BABAM1: variants seen among roughly 807,000 people sequenced by gnomAD.
BABAM1 encodes the protein BRISC and BRCA1 A complex member 1.
In BABAM1, 14 loss-of-function variants were observed where a neutral mutation model predicts 34.4. The observed-to-expected ratio is 0.41, with a 90% CI of 0.27 to 0.64. The LOEUF is 0.64. Among genes scored for constraint, BABAM1 ranks in the 30% least tolerant of loss-of-function variants. The pLI is 0.34. For missense variants in BABAM1, 393 were observed against 434.0 expected, an observed-to-expected ratio of 0.91 and a Z score of 0.84; for synonymous variants, 169 against 165.8, an observed-to-expected ratio of 1.02 and a Z score of -0.15.
At chr19:17,272,466 T>C (rs540001384) in intron 3 of BABAM1, among the ~76,000 whole-genome samples, 1 of 150,674 alleles carries the variant, frequency 6.6e-6, no homozygotes, top group South Asian at 2.2e-4. Flanking sequence ...AGTGCAGTGG[T>C]GCGATCTCCG....
At chr19:17,270,848 TG>T (rs766859775) in intron 2 of BABAM1, among the ~76,000 whole-genome samples, 31 of 151,990 alleles carry the variant, frequency 2.0e-4, no homozygotes, top group Non-Finnish European at 3.5e-4. Context: ...CCACCACGCC[TG>T]GCTAATTTTT....
rs777700531 is a variant in BABAM1, at chr19:17,278,314, C to CTT, written c.787-520_787-519dup. Among the ~76,000 whole-genome samples the CTT allele has an allele frequency of 3.1e-3, 387 of 126,668 alleles. 4 individuals carry two copies. The highest frequency in any genetic ancestry group is 9.7e-3 in the African/African-American group (366 of 37,774). 83.1% of individuals were successfully genotyped at this position (126,668 alleles called of 152,430 possible). A position where few individuals can be genotyped will look rare whatever the true frequency, so the allele number is the denominator to read the frequency against. ...ACTGTGTGCCTCCACACTGGGGACT[C>CTT]TTTTTTTTTTTTGAGGCGGAGTCTC... On this transcript the variant is annotated intron_variant, in intron 8 of 8. Transcript: ENST00000598188.
In BABAM1 at chr19:17,271,653, C is replaced by G. The variant is rs189650562; in HGVS notation, c.342C>G (p.Asn114Lys). ...CACTGCCAAAGCTGGAGTCGTTCAA[C>G]GGGTAAGAGGGACATTTTAGGGCTT... is the stretch of plus-strand genomic sequence containing the variant. ...EMSLPKLESF[N>K]GSKTNALNVS... The change falls in exon 3 of 9, where the codon AAC becomes AAG. Residue 114 changes from asparagine (N) to lysine (K), a missense_variant and splice_region_variant. Physicochemically the swap from Asn to Lys is moderately conservative, Grantham distance 94 (BLOSUM62 0). Transcript: ENST00000598188. 6.2e-7 allele frequency: 1 copy of G among 1,613,534 alleles called. No individual in the cohort carries two copies. Among genetic ancestry groups the G allele is most frequent in the Non-Finnish European group, 8.5e-7 (1 of 1,179,734 alleles).
intron 2 of BABAM1, among the ~76,000 whole-genome samples, chr19:17,270,557 C>T (rs558500748): frequency 4.7e-5 from 7 of 149,318 alleles, no homozygotes; most frequent in Admixed American, 2.0e-4. Flanking sequence ...GACGGAGTCC[C>T]GCTCTGTCAC....
chr19:17,269,604 G>A (rs1313594504), intron 2 of BABAM1, among the ~76,000 whole-genome samples: 2 of 152,086 alleles, frequency 1.3e-5, no homozygotes, highest in Admixed American at 6.6e-5. Context: ...GCCTGCCTTG[G>A]CCTCCCAAAG....
intron 5 of BABAM1, among the ~76,000 whole-genome samples, chr19:17,274,728 C>G (rs2073888529): frequency 6.6e-6 from 1 of 152,144 alleles, no homozygotes; most frequent in African/African-American, 2.4e-5. Context: ...CCACTTGAAC[C>G]TGGGCGCAGG....
At chr19:17,275,918 G>T in intron 6 of BABAM1, 93 bp downstream of exon 6, 8 of 1,403,274 alleles carry the variant, frequency 5.7e-6, no homozygotes, top group Non-Finnish European at 8.1e-6. Context: ...AATCTAGGGA[G>T]CCTTAAAGCC....
rs1195749640 is a variant in BABAM1, at chr19:17,273,919, C to A, written c.360C>A (p.Ala120=). The change falls in exon 4 of 9, where the codon GCC becomes GCA. Residue 120 remains alanine (A), a synonymous_variant. Coordinates refer to ENST00000598188, the MANE Select transcript of BABAM1 (RefSeq NM_014173.4). ...GCCTCCCCAGCTCCAAAACCAACGC[C>A]CTCAATGTCTCCCAGAAGATGATTG... ...LESFNGSKTN[A]LNVSQKMIEM... 1 of 1,612,628 alleles carries A rather than the reference C, an allele frequency of 6.2e-7. No homozygotes were observed. The highest frequency in any genetic ancestry group is 1.3e-5 in the African/African-American group (1 of 74,998).
intron 4 of BABAM1, 39 bp downstream of exon 4, chr19:17,274,063 T>C: frequency 3.7e-6 from 6 of 1,613,734 alleles, no homozygotes; most frequent in Non-Finnish European, 4.2e-6. Flanking sequence ...TGGGGTCCCC[T>C]GGGGCCCGGG....
chr19:17,276,552 T>C lies in BABAM1; in HGVS notation c.627T>C (p.Tyr209=), dbSNP rs367666058. 6.2e-7 allele frequency: 1 copy of C among 1,605,782 alleles called. No individual in the cohort carries two copies. Among genetic ancestry groups the C allele is most frequent in the Non-Finnish European group, 8.5e-7 (1 of 1,176,416 alleles). The change falls in exon 7 of 9, where the codon TAT becomes TAC. Residue 209 remains tyrosine, a synonymous_variant. Transcript: ENST00000598188. ...TENVQTIPPP[Y]VVRTILVYSR... ...ACGTGCAGACGATTCCCCCGCCATA[T>C]GTGGTCCGCACCATCCTTGTCTACA...
chr19:17,271,595 A>C lies in BABAM1; in HGVS notation c.286-2A>C. 6.2e-7 allele frequency: 1 copy of C among 1,613,656 alleles called. No individual in the cohort carries two copies. Among genetic ancestry groups the C allele is most frequent in the Non-Finnish European group, 8.5e-7 (1 of 1,179,760 alleles). On this transcript the variant is annotated splice_acceptor_variant, in intron 2 of 8. Transcript: ENST00000598188. LOFTEE classifies it high-confidence loss of function. ...GCTCACCACCCTCCAACTACCTTGC[A>C]GATTATCTGCCTGGACCTGTCAGAG...
chr19:17,273,873 CT>C (rs2073876139), intron 3 of BABAM1, 30 bp from the exon 4 acceptor site: 1 of 1,574,116 alleles, frequency 6.4e-7, no homozygotes, highest in Admixed American at 1.9e-5. Flanking sequence ...CTGAGGGAAC[CT>C]TAATTCCCCT....
At chr19:17,271,205 G>A (rs754521584) in intron 2 of BABAM1, among the ~76,000 whole-genome samples, 4 of 151,940 alleles carry the variant, frequency 2.6e-5, no homozygotes, top group African/African-American at 7.3e-5. Flanking sequence ...GGCCAGGCTG[G>A]TCTCAAACTC....
At chr19:17,268,313 C>T (rs1316513364) in intron 1 of BABAM1, among the ~76,000 whole-genome samples, 3 of 151,596 alleles carry the variant, frequency 2.0e-5, no homozygotes, top group African/African-American at 7.3e-5. Flanking sequence ...AGTGGCTGCT[C>T]GGCTGAGAGG....
At chr19:17,273,535 G>A (rs989943026) in intron 3 of BABAM1, among the ~76,000 whole-genome samples, 1 of 146,880 alleles carries the variant, frequency 6.8e-6, no homozygotes, top group Admixed American at 6.8e-5. Flanking sequence ...GAGGAGGGTG[G>A]CTGAAGGAAG....
chr19:17,268,805 C>G lies in BABAM1; in HGVS notation c.-2C>G. The G allele has an allele frequency of 6.3e-7, 1 of 1,598,590 alleles. No individual in the cohort carries two copies. The highest frequency in any genetic ancestry group is 8.5e-7 in the Non-Finnish European group (1 of 1,170,966). On this transcript the variant is annotated 5_prime_UTR_variant, in exon 2 of 9. Transcript: ENST00000598188. ...CGTGTTCCATCTAGCCACACAGGAGCCATGGAAGTGGCAGAGCCCAGCAGC... is the reference window on the plus strand; with the variant it reads ...CGTGTTCCATCTAGCCACACAGGAGGCATGGAAGTGGCAGAGCCCAGCAGC...
At chr19:17,269,162 C>G (rs1483671723) in intron 2 of BABAM1, 71 bp downstream of exon 2, 1 of 1,447,486 alleles carries the variant, frequency 6.9e-7, no homozygotes, top group Non-Finnish European at 9.2e-7. Context: ...GGGATTAACA[C>G]TGCAAACATT....
chr19:17,278,899 G>A lies in BABAM1; in HGVS notation c.841G>A (p.Glu281Lys). ...LDTKGTSYKY[E>K]VALAGPALEL... Reference sequence around the variant, plus strand: ...TACCAAGGGTACCAGCTACAAGTATGAGGTGGCACTGGCTGGGCCAGCCCT... The same window carrying A: ...TACCAAGGGTACCAGCTACAAGTATAAGGTGGCACTGGCTGGGCCAGCCCT... Residue 281 changes from glutamate (E) to lysine (K), a missense_variant, in exon 9 of 9, where the codon GAG (glutamate) becomes AAG (lysine). Physicochemically the swap from Glu to Lys is moderately conservative, Grantham distance 56. Transcript: ENST00000598188. The A allele has an allele frequency of 6.2e-7, 1 of 1,613,710 alleles. No homozygotes were observed. Among genetic ancestry groups the A allele is most frequent in the Non-Finnish European group, 8.5e-7 (1 of 1,179,828 alleles).
intron 1 of BABAM1, among the ~76,000 whole-genome samples, chr19:17,267,850 G>A (rs2073786933): frequency 1.3e-5 from 2 of 152,186 alleles, no homozygotes; most frequent in African/African-American, 4.8e-5. Flanking sequence ...AGGGACGAGG[G>A]TGTCCTAGAG....
Sources: allele counts gnomAD v4.1 joint callset (sites outside exome capture counted in the v4.1 genomes callset), GRCh38; gene constraint gnomAD v4.1.1; transcripts MANE v1.5; gene names NCBI Gene and HGNC (gene_info 2026-07-23, HGNC 2026-07-21).